Variants in SRFBP1 observed in about 807,000 individuals in gnomAD.
SRFBP1 encodes the protein serum response factor-binding protein 1.
Under a neutral mutation model 45.5 loss-of-function variants are expected in SRFBP1, and 47 were observed. That is an observed-to-expected ratio of 1.03 (90% CI 0.82 to 1.32). The LOEUF (loss-of-function observed/expected upper bound fraction) is 1.32, where lower values mean the gene tolerates loss of function less well. Among genes scored for constraint, SRFBP1 ranks in the 40% most tolerant of loss-of-function variants. The pLI, the probability that SRFBP1 is intolerant of heterozygous loss-of-function variation, is 0.00. For missense variants in SRFBP1, 621 were observed against 484.6 expected, an observed-to-expected ratio of 1.28 and a Z score of -2.64; for synonymous variants, 203 against 166.3, an observed-to-expected ratio of 1.22 and a Z score of -1.70.
At chr5:121,993,113 T>A (rs1013202878) in intron 3 of SRFBP1, among the ~76,000 whole-genome samples, 1 of 152,152 alleles carries the variant, frequency 6.6e-6, no homozygotes, top group Non-Finnish European at 1.5e-5. Flanking sequence ...ATACCCAACC[T>A]GATTAAATTC....
At chr5:122,024,615 T>C (rs1167869038) in intron 7 of SRFBP1, among the ~76,000 whole-genome samples, 1 of 152,186 alleles carries the variant, frequency 6.6e-6, no homozygotes, top group Non-Finnish European at 1.5e-5. Flanking sequence ...CAATTAGCCA[T>C]GTGACCTCAC....
chr5:122,002,680 G>A (rs577544189), intron 4 of SRFBP1, among the ~76,000 whole-genome samples: 4 of 152,156 alleles, frequency 2.6e-5, no homozygotes, highest in Non-Finnish European at 5.9e-5. Flanking sequence ...GAGTTTCAAA[G>A]TGTTGAGAAT....
At chr5:122,048,950 G>A (rs866169785) in intron 2 of SRFBP1, among the ~76,000 whole-genome samples, 1 of 151,888 alleles carries the variant, frequency 6.6e-6, no homozygotes, top group Non-Finnish European at 1.5e-5. Context: ...TTCTTTATTA[G>A]TATTGCTAGC....
chr5:122,025,928 A>T (rs1205237765), intron 7 of SRFBP1, among the ~76,000 whole-genome samples: 1 of 152,102 alleles, frequency 6.6e-6, no homozygotes, highest in Non-Finnish European at 1.5e-5. Context: ...TGTCTCTACT[A>T]AAAATACATA....
intron 6 of SRFBP1, 86 bp downstream of exon 6, chr5:122,020,888 ATAATTC>A: frequency 2.4e-6 from 3 of 1,248,836 alleles, no homozygotes; most frequent in Non-Finnish European, 3.2e-6. Flanking sequence ...TGAAGAGACT[ATAATTC>A]TAGTTTGTAC....
chr5:122,042,174 A>T (rs1023123119), intron 2 of SRFBP1, among the ~76,000 whole-genome samples: 1 of 151,862 alleles, frequency 6.6e-6, no homozygotes, highest in Admixed American at 6.6e-5. Flanking sequence ...TTTAATCTGA[A>T]CTCAATTTAA....
At chr5:122,070,470 T>G in intron 2 of SRFBP1, 1 of 1,279,594 alleles carries the variant, frequency 7.8e-7, no homozygotes, top group Non-Finnish European at 1.1e-6. Context: ...TATCAATATA[T>G]GATATATTTT....
At chr5:122,046,199 C>A (rs541498371) in intron 2 of SRFBP1, among the ~76,000 whole-genome samples, 1 of 152,072 alleles carries the variant, frequency 6.6e-6, no homozygotes, top group Non-Finnish European at 1.5e-5. Context: ...CCTCCACCCC[C>A]CCTCACCCCA....
chr5:122,052,004 T>C (rs916842797), intron 2 of SRFBP1, among the ~76,000 whole-genome samples: 8 of 152,200 alleles, frequency 5.3e-5, no homozygotes, highest in Non-Finnish European at 1.2e-4. Context: ...CCTCCACTCA[T>C]GAAACCTAGT....
chr5:121,980,759 CTATGTTTCT>C (rs1006026673), intron 3 of SRFBP1, among the ~76,000 whole-genome samples: 19 of 152,192 alleles, frequency 1.2e-4, no homozygotes, highest in Middle Eastern at 3.4e-3. Context: ...TAACTTTAAA[CTATGTTTCT>C]TAGCAGTTCC....
chr5:122,058,307 A>G (rs1307761596), intron 2 of SRFBP1, among the ~76,000 whole-genome samples: 1 of 152,152 alleles, frequency 6.6e-6, no homozygotes, highest in Non-Finnish European at 1.5e-5. Flanking sequence ...TGAAAAGTAC[A>G]GTTTTTAATT....
chr5:122,023,899 T>C (rs938392992), intron 7 of SRFBP1, among the ~76,000 whole-genome samples: 1 of 152,194 alleles, frequency 6.6e-6, no homozygotes, highest in Non-Finnish European at 1.5e-5. Context: ...ACTTGTCTTA[T>C]TTGTTTGTGT....
intron 3 of SRFBP1, among the ~76,000 whole-genome samples, chr5:121,991,001 T>C (rs1014123019): frequency 2.0e-5 from 3 of 151,154 alleles, no homozygotes; most frequent in African/African-American, 7.4e-5. Context: ...GCTTACCTGC[T>C]TTCCAGTGCA....
chr5:122,055,188 A>T (rs1207576605), intron 2 of SRFBP1, among the ~76,000 whole-genome samples: 1 of 152,156 alleles, frequency 6.6e-6, no homozygotes, highest in Admixed American at 6.6e-5. Flanking sequence ...GTCCTCACTC[A>T]TGATGCCTTC....
chr5:122,077,475 G>T (rs1343534145), downstream of SRFBP1: 2 of 1,614,030 alleles, frequency 1.2e-6, no homozygotes, highest in Non-Finnish European at 1.7e-6. The surrounding 1 kb of genome is among the most constrained non-coding windows in gnomAD (Gnocchi z 4.9). Context: ...GGGTTGTAAG[G>T]GTCGTCGCCC....
At chr5:121,995,358 T>C (rs915419218) in intron 4 of SRFBP1, among the ~76,000 whole-genome samples, 1 of 152,046 alleles carries the variant, frequency 6.6e-6, no homozygotes, top group African/African-American at 2.4e-5. Flanking sequence ...GGATTAAGAA[T>C]CTCACTCAAA....
chr5:121,981,401 C>G (rs929163416), intron 3 of SRFBP1, among the ~76,000 whole-genome samples: 1 of 151,934 alleles, frequency 6.6e-6, no homozygotes, highest in South Asian at 2.1e-4. Context: ...TGCCTCTGGT[C>G]TCGCCTTCAA....
At chr5:122,008,678 A>G (rs1263879211) in intron 4 of SRFBP1, among the ~76,000 whole-genome samples, 1 of 151,786 alleles carries the variant, frequency 6.6e-6, no homozygotes, top group Non-Finnish European at 1.5e-5. Flanking sequence ...TTGTGTGTAG[A>G]TAGTCATTCA....
downstream of SRFBP1, among the ~76,000 whole-genome samples, chr5:122,030,314 T>G (rs1753568670): frequency 6.6e-6 from 1 of 152,260 alleles, no homozygotes; most frequent in South Asian, 2.1e-4. Flanking sequence ...GGGATCTTTG[T>G]GAAACCTTGC....
Sources: gnomAD v4.1 joint callset for allele counts (sites outside exome capture counted in the v4.1 genomes callset) on GRCh38, gnomAD v4.1.1 for gene constraint, Gnocchi (gnomAD v3.1) non-coding constraint, MANE v1.5 for transcripts, NCBI Gene and HGNC (gene_info 2026-07-23, HGNC 2026-07-21) for gene names.